Variants in ZBTB25 observed in about 807,000 individuals in gnomAD.
ZBTB25 encodes zinc finger and BTB domain-containing protein 25.
ZBTB25 carries 20 observed loss-of-function variants against 34.2 expected under a neutral mutation model. That is an observed-to-expected ratio of 0.58 (90% CI 0.41 to 0.85). The LOEUF (loss-of-function observed/expected upper bound fraction) is 0.85, where lower values mean the gene tolerates loss of function less well. Among genes scored for constraint, ZBTB25 ranks in the 40% least tolerant of loss-of-function variants. ZBTB25 has a pLI of 0.00. For synonymous variants in ZBTB25, 175 were observed against 186.4 expected (o/e 0.94, Z 0.50); for missense variants, 437 against 521.8 (o/e 0.84, Z 1.58).
At chr14:64,504,303 G>A (rs531020730), upstream of ZBTB25, among the ~76,000 whole-genome samples, 2 of 152,112 alleles carry the variant, frequency 1.3e-5, no homozygotes, top group East Asian at 3.9e-4. Context: ...CGACGGGGCA[G>A]GGCGAGGTTG....
intron 2 of ZBTB25, chr14:64,468,456 G>T: frequency 6.2e-7 from 1 of 1,614,036 alleles, no homozygotes; most frequent in Non-Finnish European, 8.5e-7. Flanking sequence ...TCAGCAGAAG[G>T]TAGTCCTGGG....
At chr14:64,453,089 T>C (rs2078401745) in intron 2 of ZBTB25, among the ~76,000 whole-genome samples, 1 of 151,932 alleles carries the variant, frequency 6.6e-6, no homozygotes, top group Non-Finnish European at 1.5e-5. Context: ...CTGTTTATGA[T>C]GTACTTAGCG....
chr14:64,485,566 A>G lies in ZBTB25; in HGVS notation c.*1357T>C, dbSNP rs895538095. 1.5e-5 allele frequency: 15 copies of G among 985,220 alleles called. No homozygotes were observed. In the African/African-American group the frequency reaches 2.1e-4, roughly 14 times the overall value. The allele number at this position is 985,220 out of a possible 1,614,324, so 61.0% of individuals were successfully genotyped here. On this transcript the variant is annotated 3_prime_UTR_variant, in exon 3 of 3. Transcript: ENST00000608382. Reference sequence around the variant, plus strand: ...TTTGTAAGTGTCACCATTATAAAAGAGAGTTAAGTTGATTTATAGAGGAAA... The same window carrying G: ...TTTGTAAGTGTCACCATTATAAAAGGGAGTTAAGTTGATTTATAGAGGAAA...
chr14:64,469,661 A>G, intron 2 of ZBTB25: 4 of 1,588,454 alleles, frequency 2.5e-6, no homozygotes, highest in Non-Finnish European at 3.4e-6. Context: ...TAATAAAATA[A>G]ACAATCTTCT....
Position 64,490,208 on chromosome 14 carries a change from C to CAA in ZBTB25, c.173+151_173+152dup, listed in dbSNP as rs61367816. Among the ~76,000 whole-genome samples the CAA allele has an allele frequency of 1.5e-3, 133 of 90,932 alleles. 18 individuals are homozygous for CAA. The highest frequency in any genetic ancestry group is 6.4e-3 in the African/African-American group (104 of 16,166). 59.7% of individuals were successfully genotyped at this position (90,932 alleles called of 152,430 possible). On this transcript the variant is annotated intron_variant, in intron 2 of 2. Transcript: ENST00000608382. Reference sequence around the variant, plus strand: ...GGGTGACAGAGCAAGACTCTGTCGCCAAAAAAAAAAAAAAAAAAAAAAAAA... The same window carrying CAA: ...GGGTGACAGAGCAAGACTCTGTCGCCAAAAAAAAAAAAAAAAAAAAAAAAAAA...
chr14:64,496,311 C>T (rs999246879), intron 1 of ZBTB25, among the ~76,000 whole-genome samples: 2 of 151,744 alleles, frequency 1.3e-5, no homozygotes, highest in Non-Finnish European at 2.9e-5. Flanking sequence ...GGTGAAACCC[C>T]GTCTCTACTA....
Position 64,490,044 on chromosome 14 carries a change from C to A in ZBTB25, c.173+317G>T, listed in dbSNP as rs564426332. Among the ~76,000 whole-genome samples the A allele has an allele frequency of 1.3e-4, 19 of 149,456 alleles. No individual in the cohort carries two copies. The South Asian group carries it at 4.0e-3, about 32-fold the overall frequency. The stretch of plus-strand genomic sequence containing the variant: ...CCAACATGGTGAAACCCTGCCTCTA[C>A]TAAAAATACAAAAATTAACCGGGCG... On this transcript the variant is annotated intron_variant, in intron 2 of 2. Transcript: ENST00000608382.
At chr14:64,454,641 C>A in intron 2 of ZBTB25, 1 of 1,110,176 alleles carries the variant, frequency 9.0e-7, no homozygotes, top group Non-Finnish European at 1.4e-6. Context: ...ATTGAAGAAT[C>A]CATGTAATCA....
At chr14:64,459,615 C>T (rs145941228) in intron 2 of ZBTB25, 26 of 668,918 alleles carry the variant, frequency 3.9e-5, no homozygotes, top group Non-Finnish European at 5.2e-5. Context: ...TTTATGGACA[C>T]GCCCTAGAAG....
intron 2 of ZBTB25, chr14:64,472,215 AT>A (rs1323897505): frequency 6.0e-6 from 1 of 167,132 alleles, no homozygotes; most frequent in Non-Finnish European, 1.5e-5. Context: ...CAGCTATCAT[AT>A]TTAAAAGTGA....
intron 2 of ZBTB25, chr14:64,471,367 T>C (rs1169548141): frequency 6.0e-6 from 1 of 166,318 alleles, no homozygotes; most frequent in African/African-American, 2.4e-5. Flanking sequence ...TTAGCCAGGA[T>C]GGTCTTGATC....
intron 2 of ZBTB25, among the ~76,000 whole-genome samples, chr14:64,450,620 C>T (rs968302828): frequency 2.0e-5 from 3 of 152,200 alleles, no homozygotes; most frequent in South Asian, 2.1e-4. Flanking sequence ...AGTATGGAAA[C>T]AACAACTGGA....
chr14:64,503,678 G>T lies in ZBTB25; in HGVS notation c.-25C>A, dbSNP rs975995919. On this transcript the variant is annotated 5_prime_UTR_variant, in exon 1 of 3. Transcript: ENST00000608382. Reference sequence around the variant, plus strand: ...TCGCTTACCCAGATGCCGCCGCGGCGGCAGGCCGACTCCTCCGTGCAGGAG... The same window carrying T: ...TCGCTTACCCAGATGCCGCCGCGGCTGCAGGCCGACTCCTCCGTGCAGGAG... 9.7e-6 allele frequency: 9 copies of T among 926,126 alleles called. No individual in the cohort carries two copies. Among genetic ancestry groups the T allele is most frequent in the Non-Finnish European group, 1.2e-5 (9 of 775,886 alleles). 57.4% of individuals were successfully genotyped at this position (926,126 alleles called of 1,614,324 possible). A position where few individuals can be genotyped will look rare whatever the true frequency, so the allele number is the denominator to read the frequency against.
At chr14:64,458,830 T>C (rs1039182953) in intron 2 of ZBTB25, among the ~76,000 whole-genome samples, 2 of 152,220 alleles carry the variant, frequency 1.3e-5, no homozygotes, top group African/African-American at 4.8e-5. Flanking sequence ...TGACATTGCA[T>C]TGTTTGATAT....
intron 1 of ZBTB25, among the ~76,000 whole-genome samples, chr14:64,501,135 T>C (rs910872601): frequency 6.6e-6 from 1 of 152,218 alleles, no homozygotes; most frequent in African/African-American, 2.4e-5. Context: ...ACAAACACTT[T>C]CTTCTTCCTC....
upstream of ZBTB25, chr14:64,504,863 C>A: frequency 2.5e-6 from 1 of 397,378 alleles, no homozygotes; most frequent in Non-Finnish European, 4.4e-6. Context: ...AGCTCGCGGC[C>A]CCTTCGCCTT....
intron 2 of ZBTB25, among the ~76,000 whole-genome samples, chr14:64,456,331 C>T (rs913152201): frequency 2.0e-5 from 3 of 152,150 alleles, no homozygotes; most frequent in Non-Finnish European, 2.9e-5. Flanking sequence ...TTCCAGTTGC[C>T]GTTGGGGCCT....
chr14:64,496,568 T>A (rs748359382), intron 1 of ZBTB25, among the ~76,000 whole-genome samples: 28 of 152,152 alleles, frequency 1.8e-4, no homozygotes, highest in Non-Finnish European at 3.1e-4. Context: ...TATTCAAAAT[T>A]AAAAGAAATT....
chr14:64,477,744 T>A (rs960806036), downstream of ZBTB25, among the ~76,000 whole-genome samples: 6 of 152,232 alleles, frequency 3.9e-5, no homozygotes, highest in African/African-American at 1.4e-4. Flanking sequence ...ATTACCTGCA[T>A]ATGGTTTGGA....
Sources: gnomAD v4.1 joint callset for allele counts (sites outside exome capture counted in the v4.1 genomes callset) on GRCh38, gnomAD v4.1.1 for gene constraint, MANE v1.5 for transcripts, NCBI Gene and HGNC (gene_info 2026-07-23, HGNC 2026-07-21) for gene names.